RPH3A: variants seen among roughly 807,000 people sequenced by gnomAD.
RPH3A encodes rabphilin 3A.
A neutral mutation model predicts 102.2 loss-of-function variants in RPH3A; 48 were observed. The observed-to-expected ratio is 0.47, with a 90% CI of 0.37 to 0.60. The LOEUF is 0.60. Ranked by LOEUF, RPH3A falls within the 20% of genes least tolerant of loss-of-function variation. The pLI is 0.00. For missense variants in RPH3A, 781 were observed against 910.1 expected (o/e 0.86, Z 1.83); for synonymous variants, 310 against 324.3 (o/e 0.96, Z 0.47).
intron 1 of RPH3A, among the ~76,000 whole-genome samples, chr12:112,634,934 T>C (rs1418238385): frequency 6.6e-6 from 1 of 152,232 alleles, no homozygotes; most frequent in Admixed American, 6.5e-5. Flanking sequence ...TTTGTTTCCA[T>C]TGTTTTTACA....
chr12:112,854,331 T>G (rs925026299), intron 5 of RPH3A, among the ~76,000 whole-genome samples: 1 of 152,262 alleles, frequency 6.6e-6, no homozygotes, highest in Admixed American at 6.5e-5. Context: ...CGATTTTTCT[T>G]GCAATAGTAA....
intron 1 of RPH3A, among the ~76,000 whole-genome samples, chr12:112,648,388 T>C (rs1165903139): frequency 4.0e-5 from 6 of 151,300 alleles, no homozygotes; most frequent in African/African-American, 1.5e-4. Context: ...AAAATGTTTT[T>C]GTTTGCTTTC....
intron 1 of RPH3A, among the ~76,000 whole-genome samples, chr12:112,627,482 TATATA>T (rs1282539577): frequency 6.6e-6 from 1 of 151,006 alleles, no homozygotes; most frequent in African/African-American, 2.4e-5. Flanking sequence ...TAATATACAT[TATATA>T]ATACATAGTG....
chr12:112,744,084 C>T (rs1487705190), intron 1 of RPH3A, among the ~76,000 whole-genome samples: 1 of 152,066 alleles, frequency 6.6e-6, no homozygotes, highest in Non-Finnish European at 1.5e-5. Flanking sequence ...TTCTTTCTTT[C>T]TTTTTTTCCA....
chr12:112,611,639 G>T (rs2039639721), intron 1 of RPH3A, among the ~76,000 whole-genome samples: 2 of 152,028 alleles, frequency 1.3e-5, no homozygotes, highest in Non-Finnish European at 2.9e-5. Flanking sequence ...GGGAGGGGGG[G>T]TTCACCATGT....
rs114967673 is a variant in RPH3A, at chr12:112,721,489, C to T, written c.-139-70654C>T. 1.4e-3 allele frequency among the ~76,000 whole-genome samples: 210 copies of T among 152,286 alleles called. 1 individual carries two copies. Among genetic ancestry groups the T allele is most frequent in the African/African-American group, 4.9e-3 (202 of 41,546 alleles). On this transcript the variant is annotated intron_variant, in intron 1 of 21. Coordinates refer to the RPH3A transcript ENST00000543106. ...AGGGCCAGATTGTGAATATATCAGACTCCAAGGAATCTATTAGAAAACATT... is the reference window on the plus strand; with the variant it reads ...AGGGCCAGATTGTGAATATATCAGATTCCAAGGAATCTATTAGAAAACATT...
intron 1 of RPH3A, among the ~76,000 whole-genome samples, chr12:112,772,409 G>C (rs2040933089): frequency 6.6e-6 from 1 of 152,176 alleles, no homozygotes; most frequent in Non-Finnish European, 1.5e-5. Context: ...AATGCCGGGA[G>C]CAACCTCTAA....
chr12:112,795,069 C>T (rs1211356844), intron 2 of RPH3A, among the ~76,000 whole-genome samples: 1 of 152,240 alleles, frequency 6.6e-6, no homozygotes, highest in African/African-American at 2.4e-5. Context: ...GCTCCGTACA[C>T]AGACTGGCTG....
rs2043201803 is a variant in RPH3A at position 112,897,527 on chromosome 12, T to G, written c.*747T>G. On this transcript the variant is annotated 3_prime_UTR_variant, in exon 22 of 22. Transcript: ENST00000389385. ...CTTCTTTCCCTTCCATGATAGTAGA[T>G]TCTCTCTTTCTCAGCCTCTCCCCTC... is the stretch of plus-strand genomic sequence containing the variant. 6.6e-6 allele frequency: 1 copy of G among 152,348 alleles called. No homozygotes were observed. The highest frequency in any genetic ancestry group is 2.1e-4 in the South Asian group (1 of 4,820). The allele number at this position is 152,348 out of a possible 1,614,324, so 9.4% of individuals were successfully genotyped here. A position where few individuals can be genotyped will look rare whatever the true frequency, so the allele number is the denominator to read the frequency against.
Position 112,584,392 on chromosome 12 carries a change from C to T in RPH3A, c.-140+9073C>T, listed in dbSNP as rs535056363. Among the ~76,000 whole-genome samples the T allele has an allele frequency of 2.6e-4, 39 of 152,288 alleles. 1 individual carries two copies. In the East Asian group the frequency reaches 5.6e-3, roughly 22 times the overall value. ...CACCGTTCTCTACGCTCCAGGGCCC[C>T]GGAAGTTGCTGAGTTTTCAGATATT... On this transcript the variant is annotated intron_variant, in intron 1 of 21. Transcript: ENST00000543106.
At chr12:112,858,127 C>T (rs1593090670) in intron 5 of RPH3A, among the ~76,000 whole-genome samples, 1 of 151,480 alleles carries the variant, frequency 6.6e-6, no homozygotes, top group African/African-American at 2.4e-5. Context: ...AATAGCTGGA[C>T]GTAGTGGCAC....
intron 1 of RPH3A, among the ~76,000 whole-genome samples, chr12:112,779,113 G>A (rs181531897): frequency 6.6e-6 from 1 of 152,296 alleles, no homozygotes; most frequent in East Asian, 1.9e-4. Flanking sequence ...GAATAGATGT[G>A]CTAGGATTTG....
intron 1 of RPH3A, among the ~76,000 whole-genome samples, chr12:112,771,259 A>G (rs1208967564): frequency 6.6e-6 from 1 of 152,220 alleles, no homozygotes; most frequent in Non-Finnish European, 1.5e-5. Flanking sequence ...CATGCACAGG[A>G]GTAGAGAGGA....
intron 1 of RPH3A, among the ~76,000 whole-genome samples, chr12:112,621,970 T>C (rs371474688): frequency 1.3e-5 from 2 of 150,452 alleles, no homozygotes; most frequent in African/African-American, 4.9e-5. Flanking sequence ...CACGGCAGGG[T>C]ATTCCAACAG....
At chr12:112,784,120 A>C (rs536142676) in intron 1 of RPH3A, among the ~76,000 whole-genome samples, 51 of 152,312 alleles carry the variant, frequency 3.3e-4, no homozygotes, top group African/African-American at 1.0e-3. Context: ...CCTTTTGAAA[A>C]TGTAGATTCA....
intron 15 of RPH3A, among the ~76,000 whole-genome samples, chr12:112,882,371 C>T (rs1034840180): frequency 6.6e-6 from 1 of 152,122 alleles, no homozygotes; most frequent in African/African-American, 2.4e-5. Context: ...ATTGGCCTAC[C>T]CAGAGTATAT....
chr12:112,766,180 C>T (rs1191351084), intron 1 of RPH3A, among the ~76,000 whole-genome samples: 1 of 152,172 alleles, frequency 6.6e-6, no homozygotes, highest in African/African-American at 2.4e-5. Flanking sequence ...TTCGGCACTG[C>T]CACTTCCTAG....
Position 112,725,856 on chromosome 12 carries a change from T to TTGGC in RPH3A, c.-139-66287_-139-66286insTGGC, listed in dbSNP as rs2040585496. Among the ~76,000 whole-genome samples the TTGGC allele has an allele frequency of 1.3e-5, 2 of 150,664 alleles. 1 individual carries two copies. The highest frequency in any genetic ancestry group is 4.9e-5 in the African/African-American group (2 of 41,116). ...TGTTGCCCAGGCTGGAGTGCGGTGA[T>TTGGC]GCGATCTCGGCTCACTGCAACCTCT... On this transcript the variant is annotated intron_variant, in intron 1 of 21. Transcript: ENST00000543106.
At chr12:112,628,618 G>C (rs1034406926) in intron 1 of RPH3A, among the ~76,000 whole-genome samples, 1 of 146,494 alleles carries the variant, frequency 6.8e-6, no homozygotes, top group African/African-American at 2.6e-5. Flanking sequence ...AAATCAGCAG[G>C]GTGGGGTGGT....
Sources: gnomAD v4.1 joint callset for allele counts (sites outside exome capture counted in the v4.1 genomes callset) on GRCh38, gnomAD v4.1.1 for gene constraint, MANE v1.5 for transcripts, NCBI Gene and HGNC (gene_info 2026-07-23, HGNC 2026-07-21) for gene names.